The following SMCHD1 variants were observed in gnomAD, a reference collection of about 807,000 sequenced individuals.
The protein encoded by SMCHD1 is structural maintenance of chromosomes flexible hinge domain-containing protein 1.
SMCHD1 carries 78 observed loss-of-function variants against 254.7 expected under a neutral mutation model. That is an observed-to-expected ratio of 0.31 (90% CI 0.26 to 0.37). SMCHD1 has a LOEUF of 0.37. Among genes scored for constraint, SMCHD1 ranks in the 10% least tolerant of loss-of-function variants. The probability of loss-of-function intolerance (pLI) is 1.00; values close to 1 mark genes in which losing one functional copy is unlikely to be tolerated. For synonymous variants in SMCHD1, 766 were observed against 794.9 expected, an observed-to-expected ratio of 0.96 and a Z score of 0.61; for missense variants, 1,840 against 2,408.1, an observed-to-expected ratio of 0.76 and a Z score of 4.94.
In SMCHD1 at chr18:2,667,043, A is replaced by C; in HGVS notation, c.424+12A>C. Reference sequence around the variant, plus strand: ...ACAAAATCCTTTGCGTAAGTATCCCATTCATACTAATTTTGATAAATTATT... The same window carrying C: ...ACAAAATCCTTTGCGTAAGTATCCCCTTCATACTAATTTTGATAAATTATT... On this transcript the variant is annotated intron_variant, in intron 3 of 47. Coordinates refer to ENST00000320876, the MANE Select transcript of SMCHD1 (RefSeq NM_015295.3). 2 of 1,540,902 alleles carry C rather than the reference A, an allele frequency of 1.3e-6. No homozygotes were observed. Among genetic ancestry groups the C allele is most frequent in the African/African-American group, 2.7e-5 (2 of 73,278 alleles).
chr18:2,769,634 ATAT>A, intron 37 of SMCHD1, 57 bp from the exon 38 acceptor site: 1 of 1,513,478 alleles, frequency 6.6e-7, no homozygotes, highest in Non-Finnish European at 9.0e-7. Flanking sequence ...TGTAACATTT[ATAT>A]GTTGTAAATT....
Position 2,739,498 on chromosome 18 carries a change from C to T in SMCHD1, c.3492C>T (p.Gly1164=). 1 of 1,612,910 alleles carries T rather than the reference C, an allele frequency of 6.2e-7. No homozygotes were observed. The highest frequency in any genetic ancestry group is 8.5e-7 in the Non-Finnish European group (1 of 1,179,344). Reference sequence around the variant, plus strand: ...AAGGAGGAAAAACAGTACAGATGGGCCAAGAGCTTCAAGGAGAAGTAGGTT... The same window carrying T: ...AAGGAGGAAAAACAGTACAGATGGGTCAAGAGCTTCAAGGAGAAGTAGGTT... ...EMKGGKTVQM[G]QELQGEVVII... is the part of the protein sequence containing the mutation. Residue 1164 remains glycine (G), a synonymous_variant, in exon 27 of 48, where the codon GGC becomes GGT. Transcript: ENST00000320876.
intron 8 of SMCHD1, among the ~76,000 whole-genome samples, chr18:2,696,473 G>A (rs191652808): frequency 4.9e-4 from 74 of 152,242 alleles, no homozygotes; most frequent in African/African-American, 1.7e-3. Flanking sequence ...AGTGCTTGTC[G>A]ATCTGAGGTG....
intron 45 of SMCHD1, among the ~76,000 whole-genome samples, chr18:2,785,670 A>AAAAAG (rs57180698): frequency 0.055 from 5,405 of 97,736 alleles, 1,194 homozygotes; most frequent in Middle Eastern, 0.071. Flanking sequence ...AAAAAAAAAA[A>AAAAAG]ACAGTTCATT....
rs1023115175 is a variant in SMCHD1, at chr18:2,802,631, G to T, written c.*79G>T. 1.1e-5 allele frequency: 15 copies of T among 1,353,282 alleles called. No individual in the cohort carries two copies. The highest frequency in any genetic ancestry group is 2.4e-5 in the Admixed American group (1 of 41,490). The allele number at this position is 1,353,282 out of a possible 1,614,324, so 83.8% of individuals were successfully genotyped here. On this transcript the variant is annotated 3_prime_UTR_variant, in exon 48 of 48. Coordinates refer to ENST00000320876, the MANE Select transcript of SMCHD1 (RefSeq NM_015295.3). ...CATCTCTGTTTCAGAAGACCAAGAG[G>T]GTGACTTACCAGACTGAGTATTTCT...
chr18:2,743,730 CT>C, intron 28 of SMCHD1, 30 bp from the exon 29 acceptor site: 2 of 1,540,342 alleles, frequency 1.3e-6, no homozygotes, highest in Non-Finnish European at 1.8e-6. Context: ...GTGATACCCC[CT>C]GTCTTTCTCA....
rs1192831465 is a variant in SMCHD1 at position 2,674,110 on chromosome 18, G to A, written c.603G>A (p.Arg201=). 7 of 1,600,812 alleles carry A rather than the reference G, an allele frequency of 4.4e-6. No individual in the cohort carries two copies. Among genetic ancestry groups the A allele is most frequent in the Middle Eastern group, 1.7e-4 (1 of 6,040 alleles). ...SKQLNNWAVY[R]LSKFTRQGDF... is the part of the protein sequence containing the mutation. Reference sequence around the variant, plus strand: ...AGCTTAACAACTGGGCCGTGTATAGGTTGTCAAAATTCACAAGGCAAGGTG... The same window carrying A: ...AGCTTAACAACTGGGCCGTGTATAGATTGTCAAAATTCACAAGGCAAGGTG... Residue 201 remains arginine (R), a synonymous_variant, in exon 5 of 48, where the codon AGG becomes AGA. Coordinates refer to ENST00000320876, the MANE Select transcript of SMCHD1 (RefSeq NM_015295.3).
chr18:2,662,980 A>G (rs1030685651), intron 1 of SMCHD1, among the ~76,000 whole-genome samples: 4 of 152,176 alleles, frequency 2.6e-5, no homozygotes, highest in African/African-American at 9.6e-5. Context: ...ACAGAGGCCT[A>G]CACTTGATGG....
chr18:2,707,785 A>C, intron 16 of SMCHD1, 22 bp from the exon 17 acceptor site: 2 of 1,568,438 alleles, frequency 1.3e-6, no homozygotes, highest in Non-Finnish European at 1.7e-6. Flanking sequence ...TAATTAAGAT[A>C]CTTTTAATTT....
intron 28 of SMCHD1, among the ~76,000 whole-genome samples, chr18:2,742,547 C>G (rs925154063): frequency 2.0e-5 from 3 of 152,140 alleles, no homozygotes; most frequent in Non-Finnish European, 4.4e-5. Context: ...TTGAAAAATT[C>G]TTCTGTGCTT....
chr18:2,769,682 T>G lies in SMCHD1; in HGVS notation c.4720-12T>G. The G allele has an allele frequency of 6.3e-7, 1 of 1,587,610 alleles. No homozygotes were observed. The highest frequency in any genetic ancestry group is 1.1e-5 in the South Asian group (1 of 87,664). ...AATCTTGTTTTCCCCTATTGTTTGT[T>G]TATATGTACAGAGTCTGGTGCTGGC... On this transcript the variant is annotated splice_polypyrimidine_tract_variant and intron_variant, in intron 37 of 47. Transcript: ENST00000320876.
At chr18:2,777,070 C>CG (rs947580575) in intron 42 of SMCHD1, among the ~76,000 whole-genome samples, 7 of 149,090 alleles carry the variant, frequency 4.7e-5, no homozygotes, top group East Asian at 2.1e-4. Context: ...CCTCCCCCCC[C>CG]CATACCCTAA....
chr18:2,727,588 G>A (rs62084254), intron 22 of SMCHD1, among the ~76,000 whole-genome samples: 29,038 of 151,876 alleles, frequency 0.19, 3,053 homozygotes, highest in South Asian at 0.27. Context: ...AAGTCAAGGA[G>A]TTTCAAATTG....
chr18:2,772,711 C>G (rs926596474), intron 41 of SMCHD1, among the ~76,000 whole-genome samples: 1 of 152,160 alleles, frequency 6.6e-6, no homozygotes, highest in Non-Finnish European at 1.5e-5. Context: ...GCTCGCTGCT[C>G]CCTCCACCTG....
At chr18:2,717,981 A>G (rs985875747) in intron 17 of SMCHD1, among the ~76,000 whole-genome samples, 177 bp from the exon 18 acceptor site, 2 of 152,156 alleles carry the variant, frequency 1.3e-5, no homozygotes, top group African/African-American at 4.8e-5. Flanking sequence ...TAATGAATTG[A>G]AGAGTTAACT....
At position 2,748,384 on chromosome 18, in the gene SMCHD1, ATAT is replaced by A. The variant is rs1568301163; in HGVS notation, c.3927+738_3927+740del. Among the ~76,000 whole-genome samples, 38 of 68,294 alleles carry A rather than the reference ATAT, an allele frequency of 5.6e-4. 4 individuals are homozygous for A. The highest frequency in any genetic ancestry group is 2.4e-3 in the African/African-American group (35 of 14,358). 44.8% of individuals were successfully genotyped at this position (68,294 alleles called of 152,430 possible). On this transcript the variant is annotated intron_variant, in intron 30 of 47. Transcript: ENST00000320876. ...TGTGTGTGTGTGTGTGTGTGTGTGTATATAAATTTTTTTTTTTTTTTTTTTGGA... is the reference window on the plus strand; with the variant it reads ...TGTGTGTGTGTGTGTGTGTGTGTGTAAAATTTTTTTTTTTTTTTTTTTGGA...
intron 23 of SMCHD1, chr18:2,728,850 C>G: frequency 9.0e-6 from 3 of 335,106 alleles, no homozygotes; most frequent in Non-Finnish European, 1.1e-5. Context: ...CTCCATGCCT[C>G]TCATTTCATA....
Position 2,776,715 on chromosome 18 carries a change from G to A in SMCHD1, c.5366+791G>A, listed in dbSNP as rs1598434324. Among the ~76,000 whole-genome samples, 5 of 152,236 alleles carry A rather than the reference G, an allele frequency of 3.3e-5. 1 individual carries two copies. The South Asian group carries it at 1.0e-3, about 32-fold the overall frequency. ...GAAGGAGAATGGTGTCTCATTAAGAGTCTACTATGTCAGTAAACTTGTTAT... is the reference window on the plus strand; with the variant it reads ...GAAGGAGAATGGTGTCTCATTAAGAATCTACTATGTCAGTAAACTTGTTAT... On this transcript the variant is annotated intron_variant, in intron 42 of 47. Coordinates refer to ENST00000320876, the MANE Select transcript of SMCHD1 (RefSeq NM_015295.3).
rs1277905569 is a variant in SMCHD1 at position 2,793,656 on chromosome 18, C to CAAAAAAAAAAA, written c.5720-2288_5720-2278dup. Among the ~76,000 whole-genome samples, 103 of 43,794 alleles carry CAAAAAAAAAAA rather than the reference C, an allele frequency of 2.4e-3. 2 individuals are homozygous for CAAAAAAAAAAA. Among genetic ancestry groups the CAAAAAAAAAAA allele is most frequent in the African/African-American group, 6.4e-3 (67 of 10,452 alleles). 28.7% of individuals were successfully genotyped at this position (43,794 alleles called of 152,430 possible). Reference sequence around the variant, plus strand: ...CTCCAGCCTGGGCGAGACTCCGTCTCAAAAAAAAAAAAAAAGAAAGAAAAC... The same window carrying CAAAAAAAAAAA: ...CTCCAGCCTGGGCGAGACTCCGTCTCAAAAAAAAAAAAAAAAAAAAAAAAAAGAAAGAAAAC... On this transcript the variant is annotated intron_variant, in intron 45 of 47. Coordinates refer to ENST00000320876, the MANE Select transcript of SMCHD1 (RefSeq NM_015295.3).
Sources: allele counts gnomAD v4.1 joint callset (sites outside exome capture counted in the v4.1 genomes callset), GRCh38; gene constraint gnomAD v4.1.1; transcripts MANE v1.5; gene names NCBI Gene and HGNC (gene_info 2026-07-23, HGNC 2026-07-21).